Variants in CSNK1G1 observed in about 807,000 individuals in gnomAD.
CSNK1G1 encodes casein kinase I isoform gamma-1.
Under a neutral mutation model 59.6 loss-of-function variants are expected in CSNK1G1, and 22 were observed. The observed-to-expected ratio is 0.37, with a 90% CI of 0.26 to 0.53. The LOEUF (loss-of-function observed/expected upper bound fraction) is 0.53, where lower values mean the gene tolerates loss of function less well. Among genes scored for constraint, CSNK1G1 ranks in the 20% least tolerant of loss-of-function variants. The pLI, the probability that CSNK1G1 is intolerant of heterozygous loss-of-function variation, is 0.89. For synonymous variants in CSNK1G1, 179 were observed against 177.1 expected, an observed-to-expected ratio of 1.01 and a Z score of -0.08; for missense variants, 384 against 519.5, an observed-to-expected ratio of 0.74 and a Z score of 2.54.
chr15:64,306,014 T>C (rs763691798), intron 1 of CSNK1G1, among the ~76,000 whole-genome samples: 20 of 152,094 alleles, frequency 1.3e-4, no homozygotes, highest in Non-Finnish European at 2.5e-4. Flanking sequence ...ACAACCTAAA[T>C]GTAAAACACA....
chr15:64,188,705 A>T lies in CSNK1G1; in HGVS notation c.1108-8251T>A, dbSNP rs1362758223. On this transcript the variant is annotated intron_variant, in intron 10 of 11. Transcript: ENST00000303052. The surrounding 1 kb of genome is among the most constrained non-coding windows in gnomAD (Gnocchi z 4.2). The stretch of plus-strand genomic sequence containing the variant: ...CATGAATCTATATCACACCCTCCTT[A>T]CCCAGAACCAGAAAACCAATAACGA... Among the ~76,000 whole-genome samples, 1 of 152,006 alleles carries T rather than the reference A, an allele frequency of 6.6e-6. No individual in the cohort carries two copies. The highest frequency in any genetic ancestry group is 2.4e-5 in the African/African-American group (1 of 41,424).
rs1191681371 is a variant in CSNK1G1 at position 64,259,272 on chromosome 15, G to A, written c.182-31C>T. 5.2e-6 allele frequency: 8 copies of A among 1,542,042 alleles called. No individual in the cohort carries two copies. In the East Asian group the frequency reaches 1.4e-4, roughly 26 times the overall value. On this transcript the variant is annotated intron_variant, in intron 2 of 11. Transcript: ENST00000303052. ...AGGAAAGCAGAATGTATATGTTTTAGTGACATTTATTCTGGGAAAAGCAAA... is the reference window on the plus strand; with the variant it reads ...AGGAAAGCAGAATGTATATGTTTTAATGACATTTATTCTGGGAAAAGCAAA...
intron 10 of CSNK1G1, among the ~76,000 whole-genome samples, chr15:64,184,443 G>A (rs1296634587): frequency 2.0e-5 from 3 of 151,986 alleles, no homozygotes; most frequent in South Asian, 2.1e-4. Context: ...TTGGGAGGCC[G>A]AGACAGGTGG....
In CSNK1G1 at chr15:64,300,262, A is replaced by C. The variant is rs1419807557; in HGVS notation, c.181+57T>G. On this transcript the variant is annotated intron_variant, in intron 2 of 11. Coordinates refer to ENST00000303052, the MANE Select transcript of CSNK1G1 (RefSeq NM_022048.5). ...TAAACGGCTTGTCTTGAAACACACC[A>C]AAGCTTATCATAGGTATTGTTGTTA... 12 of 1,514,318 alleles carry C rather than the reference A, an allele frequency of 7.9e-6. No homozygotes were observed. In the African/African-American group the frequency reaches 1.4e-4, roughly 17 times the overall value. 93.8% of individuals were successfully genotyped at this position (1,514,318 alleles called of 1,614,324 possible). A position where few individuals can be genotyped will look rare whatever the true frequency, so the allele number is the denominator to read the frequency against.
intron 1 of CSNK1G1, among the ~76,000 whole-genome samples, chr15:64,306,664 A>G (rs989778461): frequency 6.6e-6 from 1 of 152,178 alleles, no homozygotes; most frequent in Non-Finnish European, 1.5e-5. Context: ...TTAAGTCCAC[A>G]CAAAAACCAC....
intron 2 of CSNK1G1, among the ~76,000 whole-genome samples, chr15:64,268,926 T>C (rs1245741098): frequency 6.6e-6 from 1 of 152,198 alleles, no homozygotes; most frequent in Non-Finnish European, 1.5e-5. Flanking sequence ...AACAATGCAG[T>C]ACAAAAGTGC....
chr15:64,334,146 T>C (rs1168990757), intron 1 of CSNK1G1, among the ~76,000 whole-genome samples: 3 of 152,174 alleles, frequency 2.0e-5, no homozygotes, highest in African/African-American at 7.2e-5. Context: ...ACATGAATCA[T>C]TCATTACAGG....
At chr15:64,238,829 A>G (rs1363038548) in intron 4 of CSNK1G1, among the ~76,000 whole-genome samples, 1 of 151,878 alleles carries the variant, frequency 6.6e-6, no homozygotes, top group Admixed American at 6.6e-5. Context: ...CTGGGCTGCT[A>G]AAGGTACCTC....
chr15:64,283,175 G>A (rs933859067), intron 2 of CSNK1G1, among the ~76,000 whole-genome samples: 1 of 151,956 alleles, frequency 6.6e-6, no homozygotes, highest in Non-Finnish European at 1.5e-5. Context: ...AACAAAAAGT[G>A]TATCTAAAGT....
chr15:64,283,478 G>A (rs1373117297), intron 2 of CSNK1G1, among the ~76,000 whole-genome samples: 1 of 152,056 alleles, frequency 6.6e-6, no homozygotes, highest in Non-Finnish European at 1.5e-5. Flanking sequence ...GAGTAACTGG[G>A]ATTACAGAAG....
At chr15:64,193,845 A>G (rs979888691) in intron 10 of CSNK1G1, 1 of 152,226 alleles carries the variant, frequency 6.6e-6, no homozygotes, top group Non-Finnish European at 1.5e-5. Flanking sequence ...ATGTTGGTTT[A>G]TCTAGATAGG....
intron 1 of CSNK1G1, among the ~76,000 whole-genome samples, chr15:64,314,193 T>C (rs941551415): frequency 6.6e-6 from 1 of 152,158 alleles, no homozygotes; most frequent in Non-Finnish European, 1.5e-5. Context: ...CACAGTGCAA[T>C]GCAGCCTTGA....
At chr15:64,324,144 A>C (rs558094992) in intron 1 of CSNK1G1, among the ~76,000 whole-genome samples, 2 of 152,306 alleles carry the variant, frequency 1.3e-5, no homozygotes, top group South Asian at 4.1e-4. Context: ...CCCCTGACTT[A>C]CACTACTATG....
chr15:64,300,804 T>C (rs1895289354), intron 1 of CSNK1G1, 81 bp from the exon 2 acceptor site: 2 of 909,548 alleles, frequency 2.2e-6, no homozygotes, highest in East Asian at 3.2e-5. Context: ...TTAGAATGAA[T>C]CCTATCCAAA....
rs1354698743 is a variant in CSNK1G1, at chr15:64,168,939, G to A, written c.*2992C>T. Reference sequence around the variant, plus strand: ...ATTACTCTGCATGCTAAAGGGACCTGGGATTCTTTACCCTTGTTATAAAAA... The same window carrying A: ...ATTACTCTGCATGCTAAAGGGACCTAGGATTCTTTACCCTTGTTATAAAAA... On this transcript the variant is annotated 3_prime_UTR_variant, in exon 12 of 12. Transcript: ENST00000303052. 6.6e-6 allele frequency: 1 copy of A among 152,582 alleles called. No individual in the cohort carries two copies. The highest frequency in any genetic ancestry group is 1.5e-5 in the Non-Finnish European group (1 of 68,058). The allele number at this position is 152,582 out of a possible 1,614,324, so 9.5% of individuals were successfully genotyped here. A position where few individuals can be genotyped will look rare whatever the true frequency, so the allele number is the denominator to read the frequency against.
chr15:64,299,937 G>C (rs1020684828), intron 2 of CSNK1G1, among the ~76,000 whole-genome samples: 3 of 151,966 alleles, frequency 2.0e-5, no homozygotes, highest in Admixed American at 6.6e-5. Flanking sequence ...ATTAAACCAA[G>C]GCCTTATGTC....
intron 2 of CSNK1G1, among the ~76,000 whole-genome samples, chr15:64,278,298 C>T (rs879379509): frequency 1.3e-5 from 2 of 151,588 alleles, no homozygotes; most frequent in South Asian, 2.1e-4. Flanking sequence ...CCACCCGCCT[C>T]GGCCTCCCAA....
intron 1 of CSNK1G1, among the ~76,000 whole-genome samples, chr15:64,349,137 C>G (rs925441638): frequency 3.7e-5 from 2 of 54,690 alleles, no homozygotes; most frequent in Non-Finnish European, 7.7e-5. Context: ...AACTCCACCT[C>G]AAAAAAAAAA....
intron 4 of CSNK1G1, among the ~76,000 whole-genome samples, chr15:64,246,303 T>A (rs1024639409): frequency 2.0e-5 from 3 of 152,188 alleles, no homozygotes; most frequent in African/African-American, 7.2e-5. Flanking sequence ...TTGTTTTGAC[T>A]ACTGCATTTG....
Sources: allele counts gnomAD v4.1 joint callset (sites outside exome capture counted in the v4.1 genomes callset), GRCh38; gene constraint gnomAD v4.1.1; non-coding constraint Gnocchi (gnomAD v3.1); transcripts MANE v1.5; gene names NCBI Gene and HGNC (gene_info 2026-07-23, HGNC 2026-07-21).